TCF12: variants seen among roughly 807,000 people sequenced by gnomAD.
The protein encoded by TCF12 is DNA-binding protein HTF4.
TCF12 carries 45 observed loss-of-function variants against 86.0 expected under a neutral mutation model. The ratio of observed to expected loss-of-function variants is 0.52; its 90% CI spans 0.41 to 0.67. The LOEUF (loss-of-function observed/expected upper bound fraction) is 0.67. TCF12 is among the 30% of genes least tolerant of loss of function. TCF12 has a pLI of 0.00. For missense variants in TCF12, 881 were observed against 859.9 expected, an observed-to-expected ratio of 1.02 and a Z score of -0.31; for synonymous variants, 330 against 299.6, an observed-to-expected ratio of 1.10 and a Z score of -1.05.
intron 13 of TCF12, chr15:57,247,770 A>G (rs1171635444): frequency 1.3e-6 from 1 of 743,714 alleles, no homozygotes; most frequent in Non-Finnish European, 2.5e-6. Flanking sequence ...GGTCTAGCAC[A>G]CCTTGCTGCC....
At chr15:57,191,290 C>CCTAT (rs1183153668) in intron 6 of TCF12, among the ~76,000 whole-genome samples, 1 of 151,978 alleles carries the variant, frequency 6.6e-6, no homozygotes, top group South Asian at 2.1e-4. Flanking sequence ...ATAGGGAGAC[C>CCTAT]CTATCTCTAC....
chr15:56,983,232 T>C (rs1190607879), intron 3 of TCF12, among the ~76,000 whole-genome samples: 4 of 152,202 alleles, frequency 2.6e-5, no homozygotes, highest in African/African-American at 9.6e-5. Flanking sequence ...TGTAGTCCAC[T>C]GTAAGCCTCT....
chr15:57,185,402 T>C (rs1012854615), intron 6 of TCF12, among the ~76,000 whole-genome samples: 2 of 152,166 alleles, frequency 1.3e-5, no homozygotes, highest in Non-Finnish European at 2.9e-5. Flanking sequence ...AAATTTATTA[T>C]TGTAAATACC....
At chr15:57,191,640 A>G (rs1335159844) in intron 6 of TCF12, among the ~76,000 whole-genome samples, 4 of 152,150 alleles carry the variant, frequency 2.6e-5, no homozygotes, top group Non-Finnish European at 5.9e-5. Context: ...CATAATTATT[A>G]AAAAGCAGAC....
At chr15:57,162,415 A>T (rs1335875924) in intron 5 of TCF12, among the ~76,000 whole-genome samples, 1 of 152,200 alleles carries the variant, frequency 6.6e-6, no homozygotes, top group Non-Finnish European at 1.5e-5. Context: ...TAGACTGAGT[A>T]TGCATTATTT....
rs1187472686 is a variant in TCF12, at chr15:57,158,188, C to CT, written c.326-8200dup. On this transcript the variant is annotated intron_variant, in intron 5 of 20. Coordinates refer to ENST00000333725, the MANE Select transcript of TCF12 (RefSeq NM_207037.2). ...ATGTTAAAGTCTCAGAAAGTCGTTTCTTTTTTTTTTTTTTCTTTGAGACAG... is the reference window on the plus strand; with the variant it reads ...ATGTTAAAGTCTCAGAAAGTCGTTTCTTTTTTTTTTTTTTTCTTTGAGACAG... Among the ~76,000 whole-genome samples the CT allele has an allele frequency of 5.5e-3, 761 of 139,258 alleles. 13 individuals carry two copies. Among genetic ancestry groups the CT allele is most frequent in the African/African-American group, 0.019 (695 of 37,232 alleles). The allele number at this position is 139,258 out of a possible 152,430, so 91.4% of individuals were successfully genotyped here.
chr15:56,941,576 T>C (rs527458622), intron 3 of TCF12, among the ~76,000 whole-genome samples: 1 of 151,982 alleles, frequency 6.6e-6, no homozygotes, highest in African/African-American at 2.4e-5. Context: ...GGTTTCATTA[T>C]GTTGGCCAGG....
At position 56,921,061 on chromosome 15, in the gene TCF12, AC is replaced by A; in HGVS notation, c.113del (p.Pro38GlnfsTer49). On this transcript the variant is annotated frameshift_variant, in exon 3 of 21. Transcript: ENST00000333725. LOFTEE classifies it high-confidence loss of function. ...SPPVNSGKTR[P>X]TTLGSSQFSG... ...CACCTGTTAATAGTGGGAAAACTAG[AC>A]CAACTACACTGGGAAGCAGTCAATT... The A allele has an allele frequency of 6.2e-7, 1 of 1,609,220 alleles. No individual in the cohort carries two copies. Among genetic ancestry groups the A allele is most frequent in the Non-Finnish European group, 8.5e-7 (1 of 1,177,344 alleles).
intron 3 of TCF12, among the ~76,000 whole-genome samples, chr15:57,059,039 G>A (rs1253524472): frequency 6.6e-6 from 1 of 152,158 alleles, no homozygotes; most frequent in Non-Finnish European, 1.5e-5. Context: ...GCTATCTCTA[G>A]TCAGAATTCT....
chr15:57,159,989 C>T (rs2054382061), intron 5 of TCF12, among the ~76,000 whole-genome samples: 1 of 151,282 alleles, frequency 6.6e-6, no homozygotes, highest in Admixed American at 6.6e-5. Flanking sequence ...GCCATAATAT[C>T]ATTATCTCTG....
intron 18 of TCF12, among the ~76,000 whole-genome samples, chr15:57,266,823 G>C (rs1229567419): frequency 6.6e-6 from 1 of 152,126 alleles, no homozygotes; most frequent in Non-Finnish European, 1.5e-5. Context: ...GATCTCTTGA[G>C]GCCAGAAGTT....
At chr15:57,229,521 A>G (rs1338825711) in intron 8 of TCF12, among the ~76,000 whole-genome samples, 1 of 151,300 alleles carries the variant, frequency 6.6e-6, no homozygotes, top group Non-Finnish European at 1.5e-5. Context: ...AAAAAAAGTC[A>G]CCTGTGCTAG....
At chr15:57,227,141 G>T (rs542768708) in intron 8 of TCF12, among the ~76,000 whole-genome samples, 2 of 151,994 alleles carry the variant, frequency 1.3e-5, no homozygotes, top group Non-Finnish European at 2.9e-5. Flanking sequence ...TTAAAGTATG[G>T]ATAATCACAC....
chr15:57,187,250 G>A (rs1432791273), intron 6 of TCF12, among the ~76,000 whole-genome samples: 1 of 151,896 alleles, frequency 6.6e-6, no homozygotes, highest in Non-Finnish European at 1.5e-5. Context: ...AGAAATAGGA[G>A]GGAGGGAACT....
chr15:57,269,599 A>G (rs1162366279), intron 18 of TCF12, among the ~76,000 whole-genome samples: 2 of 152,050 alleles, frequency 1.3e-5, no homozygotes, highest in African/African-American at 4.8e-5. Context: ...TCCTGTCATT[A>G]TGATGCTACT....
chr15:57,171,611 G>C (rs192084761), intron 6 of TCF12, among the ~76,000 whole-genome samples: 37 of 152,306 alleles, frequency 2.4e-4, no homozygotes, highest in Admixed American at 1.0e-3. Flanking sequence ...AATAATGCCT[G>C]ATGGGCCTTA....
At chr15:57,260,175 G>A (rs2060524159) in intron 16 of TCF12, among the ~76,000 whole-genome samples, 1 of 152,044 alleles carries the variant, frequency 6.6e-6, no homozygotes, top group South Asian at 2.1e-4. Context: ...AATATTTCCT[G>A]GTGTTTCTGT....
At chr15:57,069,827 T>A (rs528630302) in intron 4 of TCF12, among the ~76,000 whole-genome samples, 1 of 152,198 alleles carries the variant, frequency 6.6e-6, no homozygotes, top group South Asian at 2.1e-4. Context: ...TAGAAGAGGG[T>A]CTGCAGCTGA....
intron 3 of TCF12, among the ~76,000 whole-genome samples, chr15:56,943,613 A>G (rs1567141402): frequency 6.6e-6 from 1 of 152,216 alleles, no homozygotes; most frequent in Non-Finnish European, 1.5e-5. Context: ...TAACAAAGCT[A>G]GTAAGTAGCA....
Sources: allele counts gnomAD v4.1 joint callset (sites outside exome capture counted in the v4.1 genomes callset), GRCh38; gene constraint gnomAD v4.1.1; transcripts MANE v1.5; gene names NCBI Gene and HGNC (gene_info 2026-07-23, HGNC 2026-07-21).